Variants in PPM1D observed in about 807,000 individuals in gnomAD.
PPM1D encodes protein phosphatase 1D.
A neutral mutation model predicts 58.3 loss-of-function variants in PPM1D; 52 were observed. The observed-to-expected ratio is 0.89, with a 90% CI of 0.71 to 1.12. The LOEUF (loss-of-function observed/expected upper bound fraction) is 1.12. PPM1D is among the 50% of genes most tolerant of loss of function. PPM1D has a pLI of 0.00. For synonymous variants in PPM1D, 278 were observed against 285.1 expected (o/e 0.98, Z 0.25); for missense variants, 564 against 777.2 (o/e 0.73, Z 3.26).
At chr17:60,660,764 A>G (rs535752992) in intron 5 of PPM1D, among the ~76,000 whole-genome samples, 9 of 152,202 alleles carry the variant, frequency 5.9e-5, no homozygotes, top group Non-Finnish European at 1.2e-4. Flanking sequence ...CGGCCTCAAA[A>G]AAAGAAAAAA....
intron 2 of PPM1D, among the ~76,000 whole-genome samples, chr17:60,626,848 A>G (rs993045438): frequency 5.9e-5 from 9 of 152,070 alleles, no homozygotes; most frequent in African/African-American, 2.2e-4. Flanking sequence ...CAGCTTCAGT[A>G]ATGTTTTAAT....
At position 60,663,251 on chromosome 17, in the gene PPM1D, C is replaced by T. The variant is rs1227160544; in HGVS notation, c.1517C>T (p.Thr506Ile). 6.2e-7 allele frequency: 1 copy of T among 1,614,052 alleles called. No individual in the cohort carries two copies. The highest frequency in any genetic ancestry group is 8.5e-7 in the Non-Finnish European group (1 of 1,180,038). The change falls in exon 6 of 6, where the codon ACT becomes ATT. Residue 506 changes from threonine (T) to isoleucine (I), a missense_variant. Around this residue, in one of 7 missense-constraint regions of PPM1D, gnomAD observed 261 missense variants for 270.1 expected, o/e 0.97. Transcript: ENST00000305921. ...CTTGTGCCTACTAATTCAACAAACACTGTCATGGACCAAAAAAATTTGAAG... is the reference window on the plus strand; with the variant it reads ...CTTGTGCCTACTAATTCAACAAACATTGTCATGGACCAAAAAAATTTGAAG... Reference protein sequence around the residue: ...IGLVPTNSTNTVMDQKNLKMS... With the variant: ...IGLVPTNSTNIVMDQKNLKMS...
At chr17:60,608,938 G>T (rs2030391803) in intron 1 of PPM1D, among the ~76,000 whole-genome samples, 2 of 151,296 alleles carry the variant, frequency 1.3e-5, no homozygotes, top group Non-Finnish European at 2.9e-5. Flanking sequence ...TAGTAGAGAC[G>T]GGGTTTCACC....
intron 4 of PPM1D, among the ~76,000 whole-genome samples, chr17:60,656,341 T>C (rs998184182): frequency 4.6e-5 from 7 of 151,196 alleles, no homozygotes; most frequent in African/African-American, 1.5e-4. Context: ...TAGTCCTAGC[T>C]ACTCGGGAGG....
At chr17:60,622,031 T>C (rs1047591549) in intron 1 of PPM1D, among the ~76,000 whole-genome samples, 2 of 151,064 alleles carry the variant, frequency 1.3e-5, no homozygotes, top group African/African-American at 4.9e-5. Context: ...ACTAAAAAAA[T>C]ACAAAAAAAT....
In PPM1D at chr17:60,648,039, C is replaced by G. The variant is rs1413994982; in HGVS notation, c.974C>G (p.Ala325Gly). Residue 325 changes from alanine (A) to glycine (G), a missense_variant, in exon 4 of 6, where the codon GCC (alanine) becomes GGC (glycine). Coordinates refer to ENST00000305921, the MANE Select transcript of PPM1D (RefSeq NM_003620.4). ...TGGAATATGATTCCACCACAAGATG[C>G]CATCTCAATGTGCCAGGACCAAGAG... ...GLWNMIPPQD[A>G]ISMCQDQEEK... The G allele has an allele frequency of 6.2e-7, 1 of 1,613,610 alleles. No individual in the cohort carries two copies. Among genetic ancestry groups the G allele is most frequent in the Non-Finnish European group, 8.5e-7 (1 of 1,179,916 alleles).
At chr17:60,628,044 T>C (rs1453924817) in intron 2 of PPM1D, among the ~76,000 whole-genome samples, 1 of 152,060 alleles carries the variant, frequency 6.6e-6, no homozygotes, top group Non-Finnish European at 1.5e-5. Flanking sequence ...TAATTTTGTA[T>C]TTTTAGTAGA....
intron 1 of PPM1D, among the ~76,000 whole-genome samples, chr17:60,621,121 T>C (rs141254269): frequency 0.051 from 7,779 of 151,482 alleles, 685 homozygotes; most frequent in African/African-American, 0.18. Context: ...TGGGGTTTCA[T>C]CATGTTGGCC....
chr17:60,631,597 ACT>A (rs1330892260), intron 2 of PPM1D, among the ~76,000 whole-genome samples: 1 of 151,334 alleles, frequency 6.6e-6, no homozygotes, highest in Non-Finnish European at 1.5e-5. Flanking sequence ...ACAGAGCGAG[ACT>A]GTCTCCAAAA....
At chr17:60,620,085 AC>A (rs1274219868) in intron 1 of PPM1D, among the ~76,000 whole-genome samples, 1 of 150,828 alleles carries the variant, frequency 6.6e-6, no homozygotes, top group Admixed American at 6.6e-5. Context: ...TGTAAACTCC[AC>A]CCCCTGGGTT....
chr17:60,613,480 A>C (rs2030503025), intron 1 of PPM1D, among the ~76,000 whole-genome samples: 1 of 152,228 alleles, frequency 6.6e-6, no homozygotes, highest in South Asian at 2.1e-4. Context: ...GCTGGCTCTC[A>C]GCGCCTCCTC....
chr17:60,645,454 A>ATGTGTG (rs1239515737), intron 3 of PPM1D, among the ~76,000 whole-genome samples: 187 of 103,192 alleles, frequency 1.8e-3, no homozygotes, highest in African/African-American at 5.5e-3. Flanking sequence ...TGTAAAATAT[A>ATGTGTG]TATGTGTGTG....
At chr17:60,627,533 T>C (rs994019454) in intron 2 of PPM1D, among the ~76,000 whole-genome samples, 2 of 151,988 alleles carry the variant, frequency 1.3e-5, no homozygotes, top group Admixed American at 6.6e-5. Flanking sequence ...GCGATTCTCC[T>C]GCCTCAGCCT....
chr17:60,608,643 C>G (rs1320880984), intron 1 of PPM1D, among the ~76,000 whole-genome samples: 1 of 152,108 alleles, frequency 6.6e-6, no homozygotes, highest in African/African-American at 2.4e-5. Flanking sequence ...AGTTAAGCCC[C>G]TTCTCTCTGT....
chr17:60,659,008 A>C (rs1567978320), intron 5 of PPM1D, among the ~76,000 whole-genome samples: 1 of 152,118 alleles, frequency 6.6e-6, no homozygotes, highest in South Asian at 2.1e-4. Flanking sequence ...AATACTACTA[A>C]AGTAAAGATA....
At chr17:60,630,943 G>A (rs980197143) in intron 2 of PPM1D, among the ~76,000 whole-genome samples, 8 of 152,194 alleles carry the variant, frequency 5.3e-5, no homozygotes, top group African/African-American at 1.9e-4. Context: ...TTACTCTGCT[G>A]TTGACTTTTG....
intron 4 of PPM1D, among the ~76,000 whole-genome samples, chr17:60,649,569 G>C (rs964995670): frequency 6.6e-6 from 1 of 151,958 alleles, no homozygotes; most frequent in Admixed American, 6.6e-5. Flanking sequence ...CTCGCCTATA[G>C]TCCCAGCTAC....
rs2031573768 is a variant in PPM1D, at chr17:60,663,736, A to C, written c.*184A>C. 1.6e-6 allele frequency: 1 copy of C among 634,706 alleles called. No individual in the cohort carries two copies. The highest frequency in any genetic ancestry group is 2.9e-5 in the East Asian group (1 of 34,616). The allele number at this position is 634,706 out of a possible 1,614,324, so 39.3% of individuals were successfully genotyped here. ...TGTATTGTAAATGTGGATTTTGTAGATGTTAGGGTATAAGTTGCTGTAAAA... is the reference window on the plus strand; with the variant it reads ...TGTATTGTAAATGTGGATTTTGTAGCTGTTAGGGTATAAGTTGCTGTAAAA... On this transcript the variant is annotated 3_prime_UTR_variant, in exon 6 of 6. Coordinates refer to ENST00000305921, the MANE Select transcript of PPM1D (RefSeq NM_003620.4).
chr17:60,609,900 A>G (rs2030418795), intron 1 of PPM1D, among the ~76,000 whole-genome samples: 1 of 152,012 alleles, frequency 6.6e-6, no homozygotes, highest in African/African-American at 2.4e-5. Flanking sequence ...TATGTATAGG[A>G]GCCAAGCACG....
Sources: allele counts gnomAD v4.1 joint callset (sites outside exome capture counted in the v4.1 genomes callset), GRCh38; gene constraint gnomAD v4.1.1; regional missense constraint gnomAD v4.1.1; transcripts MANE v1.5; gene names NCBI Gene and HGNC (gene_info 2026-07-23, HGNC 2026-07-21).